The following COBLL1 variants were observed in gnomAD, a reference collection of about 807,000 sequenced individuals.
COBLL1 encodes cordon-bleu protein-like 1.
COBLL1 carries 50 observed loss-of-function variants against 94.8 expected under a neutral mutation model. The ratio of observed to expected loss-of-function variants is 0.53; its 90% CI spans 0.42 to 0.67. COBLL1 has a LOEUF of 0.67. Ranked by LOEUF, COBLL1 falls within the 30% of genes least tolerant of loss-of-function variation. The probability of loss-of-function intolerance (pLI) is 0.00; values close to 1 mark genes in which losing one functional copy is unlikely to be tolerated. For synonymous variants in COBLL1, 448 were observed against 473.8 expected (o/e 0.95, Z 0.71); for missense variants, 1,362 against 1,348.7 (o/e 1.01, Z -0.15).
At chr2:164,756,938 C>T (rs941464057) in intron 2 of COBLL1, among the ~76,000 whole-genome samples, 12 of 152,156 alleles carry the variant, frequency 7.9e-5, no homozygotes, top group African/African-American at 2.9e-4. Context: ...ACACTTCCTG[C>T]CTCTCAAGGT....
At chr2:164,738,711 T>C (rs1686444353) in intron 3 of COBLL1, among the ~76,000 whole-genome samples, 1 of 152,240 alleles carries the variant, frequency 6.6e-6, no homozygotes, top group South Asian at 2.1e-4. Flanking sequence ...TGAAGTGTTT[T>C]ACATTTCACA....
At chr2:164,814,808 A>C (rs1038442940) in intron 2 of COBLL1, among the ~76,000 whole-genome samples, 3 of 152,194 alleles carry the variant, frequency 2.0e-5, no homozygotes, top group Admixed American at 2.0e-4. Context: ...TTTAGAAAAA[A>C]TGTATAAATT....
intron 9 of COBLL1, chr2:164,703,068 C>T: frequency 7.9e-7 from 1 of 1,264,174 alleles, no homozygotes; most frequent in Non-Finnish European, 1.2e-6. Flanking sequence ...ACCTGCCTGA[C>T]ACAAAGCACC....
intron 2 of COBLL1, among the ~76,000 whole-genome samples, chr2:164,835,325 T>C (rs775359366): frequency 2.0e-4 from 31 of 152,188 alleles, no homozygotes; most frequent in Admixed American, 6.5e-4. Flanking sequence ...AATGGAATAT[T>C]ATTCAGCTAT....
At chr2:164,821,568 C>G (rs776661521) in intron 2 of COBLL1, among the ~76,000 whole-genome samples, 1 of 152,166 alleles carries the variant, frequency 6.6e-6, no homozygotes, top group African/African-American at 2.4e-5. Context: ...TTAAAACTAT[C>G]TTCTTACACA....
chr2:164,800,432 G>T, intron 2 of COBLL1: 1 of 636,578 alleles, frequency 1.6e-6, no homozygotes, highest in Non-Finnish European at 2.8e-6. Context: ...TGTTGGTGAG[G>T]ATGCAGATCA....
intron 2 of COBLL1, among the ~76,000 whole-genome samples, chr2:164,749,609 C>T (rs1434818600): frequency 6.6e-6 from 1 of 152,050 alleles, no homozygotes; most frequent in African/African-American, 2.4e-5. Flanking sequence ...ATTTTTTAAA[C>T]AAGATTTGTT....
intron 2 of COBLL1, chr2:164,772,189 A>G (rs189729755): frequency 6.6e-6 from 1 of 151,808 alleles, no homozygotes; most frequent in Non-Finnish European, 1.5e-5. Flanking sequence ...GTAATTTGAT[A>G]CTATCTTTTT....
chr2:164,688,035 C>A (rs1181386162), intron 13 of COBLL1, among the ~76,000 whole-genome samples: 1 of 150,290 alleles, frequency 6.7e-6, no homozygotes, highest in Non-Finnish European at 1.5e-5. Flanking sequence ...AAGTCAAATA[C>A]TATGTAATCT....
chr2:164,696,157 A>G (rs1461902894), intron 11 of COBLL1: 1 of 200,508 alleles, frequency 5.0e-6, no homozygotes, highest in Non-Finnish European at 9.9e-6. Flanking sequence ...CATGCTCATT[A>G]GTATATTGAC....
At chr2:164,706,034 T>C (rs1056335275) in intron 7 of COBLL1, among the ~76,000 whole-genome samples, 2 of 152,046 alleles carry the variant, frequency 1.3e-5, no homozygotes, top group African/African-American at 4.8e-5. Context: ...AACTCCATCT[T>C]GAAAAAATGA....
chr2:164,742,432 C>G (rs1686650248), intron 3 of COBLL1, among the ~76,000 whole-genome samples: 1 of 151,866 alleles, frequency 6.6e-6, no homozygotes, highest in Non-Finnish European at 1.5e-5. Context: ...TCCATTAACC[C>G]TTTAAAACCA....
Position 164,796,214 on chromosome 2 carries a change from G to A in COBLL1, c.41+44942C>T, listed in dbSNP as rs1471594110. Among the ~76,000 whole-genome samples, 5 of 152,172 alleles carry A rather than the reference G, an allele frequency of 3.3e-5. No individual in the cohort carries two copies. In the East Asian group the frequency reaches 9.6e-4, roughly 29 times the overall value. ...GAGTCATAGTGGACACTACTTGAAG[G>A]TTACGGGGCATAACCAAATGCAAAG... On this transcript the variant is annotated intron_variant, in intron 2 of 13. Coordinates refer to ENST00000652658, the MANE Select transcript of COBLL1 (RefSeq NM_001365672.2).
chr2:164,836,369 T>C (rs1559061773), intron 2 of COBLL1, among the ~76,000 whole-genome samples: 1 of 152,184 alleles, frequency 6.6e-6, no homozygotes, highest in African/African-American at 2.4e-5. Flanking sequence ...TTATAGTTTT[T>C]AAATATAAAA....
intron 7 of COBLL1, among the ~76,000 whole-genome samples, chr2:164,708,844 C>T (rs890512379): frequency 2.0e-5 from 3 of 152,166 alleles, no homozygotes; most frequent in Non-Finnish European, 2.9e-5. Context: ...CAACTGATTG[C>T]TTTCATGAGG....
At chr2:164,746,855 CAG>C (rs1377105503) in intron 2 of COBLL1, among the ~76,000 whole-genome samples, 1 of 152,124 alleles carries the variant, frequency 6.6e-6, no homozygotes, top group Non-Finnish European at 1.5e-5. Context: ...AGGCCCTCTA[CAG>C]AGTCTGCTCC....
intron 2 of COBLL1, among the ~76,000 whole-genome samples, chr2:164,801,758 C>T (rs1683819017): frequency 6.6e-6 from 1 of 152,110 alleles, no homozygotes; most frequent in Non-Finnish European, 1.5e-5. Flanking sequence ...TCTTGTGCTA[C>T]CTCCATTTTA....
At chr2:164,690,845 G>A (rs115743734) in intron 13 of COBLL1, among the ~76,000 whole-genome samples, 1,531 of 152,106 alleles carry the variant, frequency 0.01, 19 homozygotes, top group Middle Eastern at 0.027. Flanking sequence ...AGTAGTGCTT[G>A]GTTTGAAACT....
At chr2:164,728,257 T>C in intron 4 of COBLL1, 60 bp from the exon 5 acceptor site, 1 of 1,043,212 alleles carries the variant, frequency 9.6e-7, no homozygotes, top group Non-Finnish European at 1.5e-6. Context: ...CACTCTACAA[T>C]AATGTCTAGA....
Sources: allele counts gnomAD v4.1 joint callset (sites outside exome capture counted in the v4.1 genomes callset), GRCh38; gene constraint gnomAD v4.1.1; transcripts MANE v1.5; gene names NCBI Gene and HGNC (gene_info 2026-07-23, HGNC 2026-07-21).